The following SUMF1 variants were observed in gnomAD, a reference collection of about 807,000 sequenced individuals.
SUMF1 encodes sulfatase modifying factor 1.
Under a neutral mutation model 47.6 loss-of-function variants are expected in SUMF1, and 48 were observed. That is an observed-to-expected ratio of 1.01 (90% CI 0.80 to 1.28). SUMF1 has a LOEUF of 1.28. Ranked by LOEUF, SUMF1 falls within the 50% of genes most tolerant of loss-of-function variation. The pLI is 0.00. For missense variants in SUMF1, 571 were observed against 485.4 expected (o/e 1.18, Z -1.66); for synonymous variants, 230 against 192.1 (o/e 1.20, Z -1.63).
chr3:4,452,854 C>T (rs762846349), intron 2 of SUMF1, 22 bp downstream of exon 2: 2 of 1,613,910 alleles, frequency 1.2e-6, no homozygotes, highest in Non-Finnish European at 1.7e-6. Context: ...CAAGTTCTCC[C>T]TCCTTTCCCC....
intron 8 of SUMF1, among the ~76,000 whole-genome samples, chr3:4,294,827 G>A (rs998599745): frequency 1.3e-5 from 2 of 152,076 alleles, no homozygotes; most frequent in East Asian, 1.9e-4. Context: ...CTAATGATGA[G>A]GATTTCAGGC....
chr3:4,128,528 G>A lies in SUMF1; in HGVS notation c.1015-59783C>T, dbSNP rs531367844. The stretch of plus-strand genomic sequence containing the variant: ...GGGCAACAGTGTTGGCCTCCCCTGA[G>A]GCAGCTGCCAGGCAAGATAATGTAC... On this transcript the variant is annotated intron_variant and NMD_transcript_variant, in intron 8 of 12. Coordinates refer to the SUMF1 transcript ENST00000448413. Among the ~76,000 whole-genome samples, 23 of 152,202 alleles carry A rather than the reference G, an allele frequency of 1.5e-4. 1 individual carries two copies. In the South Asian group the frequency reaches 4.8e-3, roughly 32 times the overall value.
chr3:4,051,909 T>C (rs567928956), intron 9 of SUMF1, among the ~76,000 whole-genome samples: 15 of 152,252 alleles, frequency 9.9e-5, no homozygotes, highest in South Asian at 2.1e-4. Context: ...GCACTTTAGA[T>C]TATGAGTGAC....
intron 8 of SUMF1, among the ~76,000 whole-genome samples, chr3:4,338,416 G>C (rs1279153795): frequency 6.6e-6 from 1 of 152,188 alleles, no homozygotes; most frequent in African/African-American, 2.4e-5. Context: ...GTGGCTTTAT[G>C]AACAACATGA....
chr3:4,373,222 C>A (rs1418842904), intron 8 of SUMF1, among the ~76,000 whole-genome samples: 2 of 151,794 alleles, frequency 1.3e-5, no homozygotes, highest in Non-Finnish European at 2.9e-5. Flanking sequence ...AGAACAACAA[C>A]AGGTGAGACA....
At chr3:4,462,451 G>A (rs567752399) in intron 1 of SUMF1, among the ~76,000 whole-genome samples, 201 of 152,326 alleles carry the variant, frequency 1.3e-3, no homozygotes, top group African/African-American at 4.7e-3. Flanking sequence ...CTGTATCCAG[G>A]TGTGTCTGGG....
At chr3:4,390,132 G>A (rs1464958639) in intron 7 of SUMF1, among the ~76,000 whole-genome samples, 2 of 152,244 alleles carry the variant, frequency 1.3e-5, no homozygotes, top group Admixed American at 1.3e-4. Flanking sequence ...CAGGGGAAGA[G>A]AGAAGGTGTG....
At chr3:4,456,045 C>T (rs1184967268) in intron 1 of SUMF1, among the ~76,000 whole-genome samples, 1 of 152,098 alleles carries the variant, frequency 6.6e-6, no homozygotes, top group Non-Finnish European at 1.5e-5. Flanking sequence ...GGGGTTTATC[C>T]CTAGGATCAA....
At chr3:4,114,674 C>T (rs994324666) in intron 8 of SUMF1, among the ~76,000 whole-genome samples, 5 of 152,070 alleles carry the variant, frequency 3.3e-5, no homozygotes, top group East Asian at 3.9e-4. Flanking sequence ...AGAGGCTAAA[C>T]TGGAGGTGAT....
At chr3:4,389,725 C>T (rs575294868) in intron 7 of SUMF1, among the ~76,000 whole-genome samples, 113 of 152,254 alleles carry the variant, frequency 7.4e-4, no homozygotes, top group Middle Eastern at 3.4e-3. Flanking sequence ...ATTTTTCCCC[C>T]CTCTGTGCCC....
In SUMF1 at chr3:4,214,377, G is replaced by C. The variant is rs562471006; in HGVS notation, c.1015-145632C>G. 1.4e-4 allele frequency among the ~76,000 whole-genome samples: 22 copies of C among 152,146 alleles called. No homozygotes were observed. The South Asian group carries it at 4.6e-3, about 32-fold the overall frequency. ...AAACCAATGAGAATGAAGACACAAT[G>C]TACTAGAATATCTGGGACACATTTA... On this transcript the variant is annotated intron_variant and NMD_transcript_variant, in intron 8 of 12. Transcript: ENST00000448413.
chr3:4,364,689 TA>T (rs1481022764), intron 8 of SUMF1, among the ~76,000 whole-genome samples: 1 of 150,354 alleles, frequency 6.7e-6, no homozygotes, highest in East Asian at 2.0e-4. Context: ...CTGGATTCAT[TA>T]ATTTTTTGAA....
At chr3:4,045,380 C>T (rs938393728) in intron 9 of SUMF1, among the ~76,000 whole-genome samples, 1 of 151,528 alleles carries the variant, frequency 6.6e-6, no homozygotes, top group African/African-American at 2.4e-5. Context: ...GTCCAACCAT[C>T]CACCCATCCA....
chr3:4,289,606 C>A (rs1697700649), intron 8 of SUMF1, among the ~76,000 whole-genome samples: 2 of 152,172 alleles, frequency 1.3e-5, no homozygotes, highest in Non-Finnish European at 1.5e-5. Flanking sequence ...CTACAAGGAA[C>A]CCCCTCCATA....
intron 8 of SUMF1, among the ~76,000 whole-genome samples, chr3:4,337,772 C>T (rs1294580484): frequency 6.6e-6 from 1 of 152,162 alleles, no homozygotes; most frequent in Non-Finnish European, 1.5e-5. Flanking sequence ...TTCATCTGCC[C>T]TCAAACAGTT....
chr3:4,238,198 G>C (rs1001110896), intron 8 of SUMF1, among the ~76,000 whole-genome samples: 1 of 152,084 alleles, frequency 6.6e-6, no homozygotes, highest in Non-Finnish European at 1.5e-5. Context: ...ATTTGGGTGG[G>C]TTCCAAGTCT....
chr3:4,236,984 A>C (rs79373360), intron 8 of SUMF1, among the ~76,000 whole-genome samples: 32 of 152,260 alleles, frequency 2.1e-4, no homozygotes, highest in Non-Finnish European at 3.8e-4. Flanking sequence ...TATAATAGAA[A>C]TTATACTGTA....
At chr3:4,106,970 T>A (rs936968727) in intron 8 of SUMF1, among the ~76,000 whole-genome samples, 1 of 151,998 alleles carries the variant, frequency 6.6e-6, no homozygotes, top group Non-Finnish European at 1.5e-5. Flanking sequence ...GAAAAAAAAT[T>A]CAGATATTTC....
chr3:4,418,056 T>C lies in SUMF1; in HGVS notation c.679A>G (p.Thr227Ala), dbSNP rs1701772723. The C allele has an allele frequency of 1.2e-6, 2 of 1,613,928 alleles. No homozygotes were observed. The highest frequency in any genetic ancestry group is 1.7e-5 in the Admixed American group (1 of 60,000). Residue 227 changes from threonine (T) to alanine (A), a missense_variant, in exon 5 of 9, where the codon ACG (threonine) becomes GCG (alanine). Transcript: ENST00000272902. ...YCTWAGKRLP[T>A]EAEWEYSCRG... ...CAGCTGTATTCCCACTCAGCTTCCG[T>C]GGGCAGCCGCTTCCCTGCCCAAGTG...
Sources: allele counts gnomAD v4.1 joint callset (sites outside exome capture counted in the v4.1 genomes callset), GRCh38; gene constraint gnomAD v4.1.1; transcripts MANE v1.5; gene names NCBI Gene and HGNC (gene_info 2026-07-23, HGNC 2026-07-21).